PDE4B: variants seen among roughly 807,000 people sequenced by gnomAD.
PDE4B encodes the protein 3',5'-cyclic-AMP phosphodiesterase 4B.
A neutral mutation model predicts 82.2 loss-of-function variants in PDE4B; 20 were observed. The ratio of observed to expected loss-of-function variants is 0.24; its 90% CI spans 0.17 to 0.35. PDE4B has a LOEUF of 0.35. Among genes scored for constraint, PDE4B ranks in the 10% least tolerant of loss-of-function variants. PDE4B has a pLI of 1.00. For synonymous variants in PDE4B, 320 were observed against 318.9 expected (o/e 1.00, Z -0.04); for missense variants, 655 against 907.2 (o/e 0.72, Z 3.57).
intron 12 of PDE4B, 152 bp from the exon 13 acceptor site, chr1:66,365,515 A>G (rs1210174209): frequency 1.9e-6 from 1 of 529,984 alleles, no homozygotes; most frequent in East Asian, 2.9e-5. Context: ...GATGAACAGA[A>G]TCTACATTTA....
At chr1:66,293,742 T>C (rs1445505805) in intron 7 of PDE4B, among the ~76,000 whole-genome samples, 1 of 152,178 alleles carries the variant, frequency 6.6e-6, no homozygotes. Flanking sequence ...AAATAAACTT[T>C]AACAAAATCT....
chr1:66,328,035 C>T (rs892410263), intron 7 of PDE4B, among the ~76,000 whole-genome samples: 2 of 152,206 alleles, frequency 1.3e-5, no homozygotes, highest in Non-Finnish European at 2.9e-5. Context: ...ATCCTACTTC[C>T]GTATCTATCA....
intron 1 of PDE4B, among the ~76,000 whole-genome samples, chr1:65,910,100 C>T (rs1327912857): frequency 6.6e-6 from 1 of 152,186 alleles, no homozygotes; most frequent in African/African-American, 2.4e-5. Flanking sequence ...ATGATTCCCT[C>T]ACTTGTCTTG....
chr1:66,032,240 C>G (rs1346680041), intron 3 of PDE4B, among the ~76,000 whole-genome samples: 2 of 152,194 alleles, frequency 1.3e-5, no homozygotes, highest in East Asian at 1.9e-4. Flanking sequence ...AGTTAATAAT[C>G]TCTTCTGAGA....
chr1:66,015,279 AT>A (rs1209739094), intron 3 of PDE4B, among the ~76,000 whole-genome samples: 1 of 152,120 alleles, frequency 6.6e-6, no homozygotes, highest in Admixed American at 6.6e-5. Flanking sequence ...ATGCCTAGAG[AT>A]TGTTTTGGCC....
intron 3 of PDE4B, among the ~76,000 whole-genome samples, chr1:65,951,853 A>G (rs1649016383): frequency 6.6e-6 from 1 of 152,178 alleles, no homozygotes; most frequent in Non-Finnish European, 1.5e-5. Context: ...AAAAATTCCA[A>G]GTATAATTCT....
intron 3 of PDE4B, among the ~76,000 whole-genome samples, chr1:66,006,029 G>T (rs1453814265): frequency 6.6e-6 from 1 of 152,150 alleles, no homozygotes; most frequent in African/African-American, 2.4e-5. Context: ...CATGGCAGAA[G>T]CATTTAGAAA....
chr1:65,877,820 C>T (rs1157489414), intron 1 of PDE4B, among the ~76,000 whole-genome samples: 1 of 151,764 alleles, frequency 6.6e-6, no homozygotes, highest in Non-Finnish European at 1.5e-5. Context: ...AGGACATAGG[C>T]AAGGGCAAAG....
chr1:66,070,116 A>G (rs2100924633), intron 3 of PDE4B, among the ~76,000 whole-genome samples: 2 of 152,118 alleles, frequency 1.3e-5, no homozygotes, highest in South Asian at 4.1e-4. Flanking sequence ...ATACACTTTT[A>G]CAAGGCTCTG....
chr1:65,932,348 C>T (rs1647883148), intron 3 of PDE4B, among the ~76,000 whole-genome samples: 1 of 152,018 alleles, frequency 6.6e-6, no homozygotes, highest in Admixed American at 6.6e-5. Flanking sequence ...GGAATGGCCC[C>T]AATATCACTT....
chr1:66,164,710 G>GCTCTGTCT (rs1646690651), intron 3 of PDE4B, among the ~76,000 whole-genome samples: 1 of 149,970 alleles, frequency 6.7e-6, no homozygotes, highest in South Asian at 2.1e-4. Context: ...CTTTGAGCAC[G>GCTCTGTCT]CTCTGTCTCT....
intron 3 of PDE4B, among the ~76,000 whole-genome samples, chr1:66,013,270 A>T (rs1022596847): frequency 6.6e-6 from 1 of 152,140 alleles, no homozygotes; most frequent in Admixed American, 6.6e-5. Flanking sequence ...ATCATTTGAA[A>T]AAAAGGCAGA....
At chr1:66,216,386 AGTC>A (rs57963130) in intron 3 of PDE4B, among the ~76,000 whole-genome samples, 24,233 of 151,876 alleles carry the variant, frequency 0.16, 2,152 homozygotes, top group Non-Finnish European at 0.2. Context: ...AAAAATAAAA[AGTC>A]GTTCTTAATT....
At chr1:65,913,167 T>A (rs547499563) in intron 1 of PDE4B, 78 bp from the exon 2 acceptor site, 1 of 597,506 alleles carries the variant, frequency 1.7e-6, no homozygotes, top group East Asian at 2.8e-5. Context: ...ATTTCAAATG[T>A]TAATTTAGAG....
intron 3 of PDE4B, among the ~76,000 whole-genome samples, chr1:66,205,946 G>C (rs1239932473): frequency 6.6e-6 from 1 of 152,118 alleles, no homozygotes; most frequent in Non-Finnish European, 1.5e-5. Flanking sequence ...CCCTTGCCAG[G>C]GACTTTCTAG....
chr1:65,865,973 T>C (rs1167468961), intron 1 of PDE4B, among the ~76,000 whole-genome samples: 1 of 152,190 alleles, frequency 6.6e-6, no homozygotes, highest in South Asian at 2.1e-4. Flanking sequence ...AGCTGCTCTG[T>C]AGACCTAAAC....
chr1:65,815,865 C>T (rs1645877744), intron 1 of PDE4B, among the ~76,000 whole-genome samples: 1 of 152,076 alleles, frequency 6.6e-6, no homozygotes, highest in Admixed American at 6.6e-5. Context: ...AAGGAAGGAA[C>T]CATATTCACC....
At chr1:65,955,232 A>C (rs1649195060) in intron 3 of PDE4B, among the ~76,000 whole-genome samples, 1 of 152,080 alleles carries the variant, frequency 6.6e-6, no homozygotes, top group Non-Finnish European at 1.5e-5. Context: ...TGTTAGTTTC[A>C]GCACAGTCCC....
At chr1:66,125,461 C>A (rs747179420) in intron 3 of PDE4B, among the ~76,000 whole-genome samples, 1 of 152,144 alleles carries the variant, frequency 6.6e-6, no homozygotes, top group Non-Finnish European at 1.5e-5. Context: ...CACGCCCTGC[C>A]CCTTACTTGT....
Sources: gnomAD v4.1 joint callset for allele counts (sites outside exome capture counted in the v4.1 genomes callset) on GRCh38, gnomAD v4.1.1 for gene constraint, MANE v1.5 for transcripts, NCBI Gene and HGNC (gene_info 2026-07-23, HGNC 2026-07-21) for gene names.